Variants in LIMK2 observed in about 807,000 individuals in gnomAD.
LIMK2 encodes LIM domain kinase 2.
In LIMK2, 35 loss-of-function variants were observed where a neutral mutation model predicts 75.7. The observed-to-expected ratio is 0.46, with a 90% CI of 0.35 to 0.61. The LOEUF is 0.61. Ranked by LOEUF, LIMK2 falls within the 20% of genes least tolerant of loss-of-function variation. The pLI is 0.00. For missense variants in LIMK2, 623 were observed against 831.0 expected (o/e 0.75, Z 3.08); for synonymous variants, 301 against 319.2 (o/e 0.94, Z 0.61).
rs544360587 is a variant in LIMK2, at chr22:31,250,039, G to T, written c.117-8252G>T. On this transcript the variant is annotated intron_variant, in intron 2 of 15. Coordinates refer to ENST00000331728, the MANE Select transcript of LIMK2 (RefSeq NM_005569.4). Reference sequence around the variant, plus strand: ...ACTTTCTCTCATCCTTCAGGGGGCTGCAGGTTTGTTTTCTTCTCCTAGTGG... The same window carrying T: ...ACTTTCTCTCATCCTTCAGGGGGCTTCAGGTTTGTTTTCTTCTCCTAGTGG... Among the ~76,000 whole-genome samples, 22 of 152,252 alleles carry T rather than the reference G, an allele frequency of 1.4e-4. No homozygotes were observed. In the South Asian group the frequency reaches 1.9e-3, roughly 13 times the overall value.
chr22:31,213,543 G>A (rs1407586374), intron 1 of LIMK2, among the ~76,000 whole-genome samples: 2 of 152,212 alleles, frequency 1.3e-5, no homozygotes, highest in African/African-American at 4.8e-5. Context: ...CAGCAAGGGA[G>A]CATGGGATTT....
rs1331516807 is a variant in LIMK2 at position 31,265,438 on chromosome 22, G to A, written c.855-508G>A. ...CTGTAGTCCCAGTTACTCAGGAGGC[G>A]GAGGCATGAGACTCAGGTGAACTAG... On this transcript the variant is annotated intron_variant, in intron 7 of 15. Coordinates refer to ENST00000331728, the MANE Select transcript of LIMK2 (RefSeq NM_005569.4). 3.3e-5 allele frequency among the ~76,000 whole-genome samples: 5 copies of A among 151,388 alleles called. No individual in the cohort carries two copies. The East Asian group carries it at 5.9e-4, about 18-fold the overall frequency.
chr22:31,268,799 A>G (rs2048923828), intron 11 of LIMK2, among the ~76,000 whole-genome samples: 1 of 152,220 alleles, frequency 6.6e-6, no homozygotes, highest in African/African-American at 2.4e-5. Context: ...CCTCATGACA[A>G]CCTTGGTTTC....
intron 2 of LIMK2, among the ~76,000 whole-genome samples, chr22:31,237,473 A>G (rs866635266): frequency 8.0e-4 from 122 of 151,610 alleles, no homozygotes; most frequent in African/African-American, 2.9e-3. Flanking sequence ...CTAAGGCAGG[A>G]GAATAGCTTG....
intron 1 of LIMK2, among the ~76,000 whole-genome samples, chr22:31,219,062 G>C (rs980122660): frequency 3.9e-5 from 6 of 152,220 alleles, no homozygotes; most frequent in Non-Finnish European, 7.3e-5. Flanking sequence ...TGGGATACCA[G>C]GCCAACCCTT....
intron 2 of LIMK2, chr22:31,248,860 C>T: frequency 7.3e-7 from 1 of 1,369,860 alleles, no homozygotes; most frequent in South Asian, 1.2e-5. Flanking sequence ...CTCACTTAGT[C>T]CTTTACCATC....
chr22:31,221,665 A>G lies in LIMK2; in HGVS notation c.17-4055A>G, dbSNP rs187416189. Among the ~76,000 whole-genome samples the G allele has an allele frequency of 1.3e-3, 191 of 151,826 alleles. 1 individual carries two copies. Among genetic ancestry groups the G allele is most frequent in the Non-Finnish European group, 2.2e-3 (151 of 67,908 alleles). On this transcript the variant is annotated intron_variant, in intron 1 of 15. Coordinates refer to ENST00000331728, the MANE Select transcript of LIMK2 (RefSeq NM_005569.4). ...ATGCCTGGCTAATTTTTGTATTTGT[A>G]GTAGAGACAAGGTTTCACCATATTG...
chr22:31,218,371 A>G (rs888270802), intron 1 of LIMK2, among the ~76,000 whole-genome samples: 1 of 152,182 alleles, frequency 6.6e-6, no homozygotes, highest in Non-Finnish European at 1.5e-5. Context: ...CAAGAAGGAA[A>G]CTTTCTGAGA....
intron 2 of LIMK2, among the ~76,000 whole-genome samples, chr22:31,231,068 A>T (rs939265258): frequency 2.6e-5 from 4 of 152,228 alleles, no homozygotes; most frequent in Admixed American, 1.3e-4. Context: ...TAGGTAGCAT[A>T]GCTGAGATTT....
At chr22:31,246,130 G>A (rs1483153368) in intron 2 of LIMK2, among the ~76,000 whole-genome samples, 1 of 150,820 alleles carries the variant, frequency 6.6e-6, no homozygotes. Context: ...CCAAGATCGC[G>A]ACACTACACT....
intron 8 of LIMK2, among the ~76,000 whole-genome samples, chr22:31,266,683 T>C (rs1285514759): frequency 3.3e-5 from 5 of 152,108 alleles, no homozygotes; most frequent in Non-Finnish European, 5.9e-5. Flanking sequence ...GACTCACTTC[T>C]ATGCCAAATG....
chr22:31,249,308 C>T (rs2123815421), intron 2 of LIMK2, among the ~76,000 whole-genome samples: 1 of 152,308 alleles, frequency 6.6e-6, no homozygotes, highest in South Asian at 2.1e-4. Flanking sequence ...GGCTTCTGAG[C>T]TCCCAGGTGA....
chr22:31,262,730 G>C lies in LIMK2; in HGVS notation c.793G>C (p.Ala265Pro). The C allele has an allele frequency of 6.2e-7, 1 of 1,614,040 alleles. No homozygotes were observed. Among genetic ancestry groups the C allele is most frequent in the Admixed American group, 1.7e-5 (1 of 59,994 alleles). Reference sequence around the variant, plus strand: ...CATGCAGAATGCCGGACACCCCCACGCCCTCAGCACCCTGGACACCAAGGA... The same window carrying C: ...CATGCAGAATGCCGGACACCCCCACCCCCTCAGCACCCTGGACACCAAGGA... ...PHMQNAGHPH[A>P]LSTLDTKENL... Residue 265 changes from alanine (A) to proline (P), a missense_variant, in exon 7 of 16, where the codon GCC becomes CCC. This residue lies in a region of LIMK2 where 514 missense variants were observed against 661.3 expected (regional missense o/e 0.78). Coordinates refer to ENST00000331728, the MANE Select transcript of LIMK2 (RefSeq NM_005569.4). This position sits in a 1 kb window ranked among gnomAD's most constrained non-coding sequence, Gnocchi z 5.0.
In LIMK2 at chr22:31,262,717, C is replaced by G; in HGVS notation, c.780C>G (p.Ala260=). The part of the protein sequence containing the change: ...EARLAPHMQN[A]GHPHALSTLD... ...GGCTCGCTCCTCACATGCAGAATGC[C>G]GGACACCCCCACGCCCTCAGCACCC... Residue 260 remains alanine (A), a synonymous_variant, in exon 7 of 16, where the codon GCC becomes GCG. Coordinates refer to ENST00000331728, the MANE Select transcript of LIMK2 (RefSeq NM_005569.4). The surrounding 1 kb of genome is among the most constrained non-coding windows in gnomAD (Gnocchi z 5.0). 7 of 1,614,146 alleles carry G rather than the reference C, an allele frequency of 4.3e-6. No homozygotes were observed. The highest frequency in any genetic ancestry group is 5.9e-6 in the Non-Finnish European group (7 of 1,180,032).
intron 3 of LIMK2, 151 bp from the exon 4 acceptor site, chr22:31,258,970 C>T: frequency 5.2e-6 from 3 of 576,598 alleles, no homozygotes; most frequent in East Asian, 2.9e-5. Context: ...TCTGACACTT[C>T]CTTTGGAAGC....
intron 14 of LIMK2, among the ~76,000 whole-genome samples, 173 bp from the exon 15 acceptor site, chr22:31,274,978 G>C (rs531833137): frequency 1.3e-5 from 2 of 152,166 alleles, no homozygotes; most frequent in Non-Finnish European, 2.9e-5. Flanking sequence ...GTGGATACAG[G>C]TCTGGATTAG....
chr22:31,248,811 C>G (rs960037643), intron 2 of LIMK2: 9 of 1,600,610 alleles, frequency 5.6e-6, no homozygotes, highest in Non-Finnish European at 7.7e-6. Flanking sequence ...TCTCCTGGCC[C>G]CTGGTCCTGA....
At chr22:31,217,359 C>T (rs1434833119) in intron 1 of LIMK2, among the ~76,000 whole-genome samples, 4 of 151,534 alleles carry the variant, frequency 2.6e-5, no homozygotes, top group East Asian at 3.9e-4. Flanking sequence ...GTTGCACCAC[C>T]GCACTCCAGC....
chr22:31,277,317 T>C, intron 15 of LIMK2: 1 of 1,443,388 alleles, frequency 6.9e-7, no homozygotes, highest in Non-Finnish European at 9.1e-7. Context: ...TTTTGGATTT[T>C]TTTATTGTTA....
Sources: allele counts gnomAD v4.1 joint callset (sites outside exome capture counted in the v4.1 genomes callset), GRCh38; gene constraint gnomAD v4.1.1; regional missense constraint gnomAD v4.1.1; non-coding constraint Gnocchi (gnomAD v3.1); transcripts MANE v1.5; gene names NCBI Gene and HGNC (gene_info 2026-07-23, HGNC 2026-07-21).